The following ADGRB3 variants were observed in gnomAD, a reference collection of about 807,000 sequenced individuals.
The protein encoded by ADGRB3 is brain-specific angiogenesis inhibitor 3.
Under a neutral mutation model 193.4 loss-of-function variants are expected in ADGRB3, and 37 were observed. The observed-to-expected ratio is 0.19, with a 90% CI of 0.15 to 0.25. ADGRB3 has a LOEUF of 0.25. Among genes scored for constraint, ADGRB3 ranks in the 10% least tolerant of loss-of-function variants. The pLI is 1.00. For missense variants in ADGRB3, 1,637 were observed against 1,852.9 expected (o/e 0.88, Z 2.14); for synonymous variants, 690 against 644.2 (o/e 1.07, Z -1.08).
At chr6:68,686,893 A>T (rs1023785398) in intron 3 of ADGRB3, among the ~76,000 whole-genome samples, 1 of 152,168 alleles carries the variant, frequency 6.6e-6, no homozygotes, top group African/African-American at 2.4e-5. Context: ...TTGTCTCATT[A>T]AAAAGATTCT....
intron 17 of ADGRB3, among the ~76,000 whole-genome samples, chr6:69,139,915 T>C (rs901797470): frequency 1.3e-5 from 2 of 152,192 alleles, no homozygotes; most frequent in African/African-American, 4.8e-5. Context: ...CTAAAGCAAT[T>C]ATTTTAATAA....
At chr6:68,897,272 A>G (rs1766243226) in intron 3 of ADGRB3, among the ~76,000 whole-genome samples, 1 of 151,862 alleles carries the variant, frequency 6.6e-6, no homozygotes, top group Non-Finnish European at 1.5e-5. Flanking sequence ...AGGCAGGCAG[A>G]TTACTTGAGC....
chr6:69,323,281 A>T (rs534203917), intron 20 of ADGRB3, among the ~76,000 whole-genome samples: 31 of 152,152 alleles, frequency 2.0e-4, no homozygotes, highest in African/African-American at 6.3e-4. Context: ...TAGAAAGGTT[A>T]TCTAGTCTTT....
intron 3 of ADGRB3, among the ~76,000 whole-genome samples, chr6:68,762,827 C>T (rs1766437295): frequency 6.6e-6 from 1 of 151,976 alleles, no homozygotes; most frequent in African/African-American, 2.4e-5. Context: ...AAAAAACCTG[C>T]TAAGTGAATT....
chr6:69,254,236 C>T (rs1766698266), intron 20 of ADGRB3, among the ~76,000 whole-genome samples: 1 of 152,036 alleles, frequency 6.6e-6, no homozygotes, highest in African/African-American at 2.4e-5. Context: ...GTATTTAGCC[C>T]CTTTTAAACT....
rs1199148325 is a variant in ADGRB3 at position 68,975,273 on chromosome 6, T to C, written c.1667T>C (p.Val556Ala). Residue 556 changes from valine (V) to alanine (A), a missense_variant, in exon 10 of 32, where the codon GTG becomes GCG. Physicochemically the swap from Val to Ala is moderately conservative, Grantham distance 64. Coordinates refer to ENST00000370598, the MANE Select transcript of ADGRB3 (RefSeq NM_001704.3). ...SRRCSLSLHG[V>A]AFWEQPSFAR... ...CGCTGCTCTCTCAGTCTTCATGGAGTGGCCTTCTGGGAACAGCCGAGCTTT... is the reference window on the plus strand; with the variant it reads ...CGCTGCTCTCTCAGTCTTCATGGAGCGGCCTTCTGGGAACAGCCGAGCTTT... 1.2e-6 allele frequency: 2 copies of C among 1,613,976 alleles called. No individual in the cohort carries two copies. Among genetic ancestry groups the C allele is most frequent in the Non-Finnish European group, 8.5e-7 (1 of 1,179,938 alleles).
intron 13 of ADGRB3, among the ~76,000 whole-genome samples, chr6:69,038,770 A>C (rs1179489053): frequency 2.0e-5 from 3 of 152,240 alleles, no homozygotes; most frequent in Admixed American, 2.0e-4. Context: ...AAAACTAAGA[A>C]GTCTTAAATG....
At chr6:69,181,163 G>A (rs1192326137) in intron 17 of ADGRB3, among the ~76,000 whole-genome samples, 1 of 152,082 alleles carries the variant, frequency 6.6e-6, no homozygotes, top group Non-Finnish European at 1.5e-5. Flanking sequence ...CTCCTGAGAT[G>A]TGGGGTGTCC....
At chr6:68,719,471 C>T (rs12199251) in intron 3 of ADGRB3, among the ~76,000 whole-genome samples, 54,064 of 151,322 alleles carry the variant, frequency 0.36, 10,459 homozygotes, top group East Asian at 0.64. Context: ...GAACAGCATA[C>T]AATGAGAGTG....
At position 69,148,688 on chromosome 6, in the gene ADGRB3, A is replaced by C. The variant is rs1003326334; in HGVS notation, c.2480+72650A>C. Among the ~76,000 whole-genome samples, 10 of 152,258 alleles carry C rather than the reference A, an allele frequency of 6.6e-5. 1 individual carries two copies. The highest frequency in any genetic ancestry group is 2.0e-4 in the Admixed American group (3 of 15,298). On this transcript the variant is annotated intron_variant, in intron 17 of 31. Coordinates refer to ENST00000370598, the MANE Select transcript of ADGRB3 (RefSeq NM_001704.3). ...AATGTCCTTTTCTTTTATATTACAAAACTCCCTTTAGCATGTATTGTAGGA... is the reference window on the plus strand; with the variant it reads ...AATGTCCTTTTCTTTTATATTACAACACTCCCTTTAGCATGTATTGTAGGA...
intron 3 of ADGRB3, among the ~76,000 whole-genome samples, chr6:68,687,520 T>G (rs1765005194): frequency 6.6e-6 from 1 of 152,142 alleles, no homozygotes; most frequent in South Asian, 2.1e-4. Flanking sequence ...CATGTATGTT[T>G]GTGTCTAAAT....
At chr6:68,795,302 C>A (rs1422637482) in intron 3 of ADGRB3, among the ~76,000 whole-genome samples, 2 of 151,834 alleles carry the variant, frequency 1.3e-5, no homozygotes, top group Non-Finnish European at 2.9e-5. Context: ...TTAAAGTTAT[C>A]TTTGATAAAC....
intron 26 of ADGRB3, among the ~76,000 whole-genome samples, chr6:69,345,482 A>C (rs1033651891): frequency 2.0e-5 from 3 of 152,194 alleles, no homozygotes; most frequent in African/African-American, 7.2e-5. Flanking sequence ...ATCACATAAA[A>C]AACAGAACCA....
In ADGRB3 at chr6:69,294,424, T is replaced by C. The variant is rs536481343; in HGVS notation, c.2815-30448T>C. Reference sequence around the variant, plus strand: ...GGTAAATAGGACAGATGGAGAAAAATAGAAGTGGAATATTTCAACATGCCA... The same window carrying C: ...GGTAAATAGGACAGATGGAGAAAAACAGAAGTGGAATATTTCAACATGCCA... On this transcript the variant is annotated intron_variant, in intron 20 of 31. Coordinates refer to ENST00000370598, the MANE Select transcript of ADGRB3 (RefSeq NM_001704.3). Among the ~76,000 whole-genome samples the C allele has an allele frequency of 2.6e-5, 4 of 152,024 alleles. No individual in the cohort carries two copies. In the East Asian group the frequency reaches 7.8e-4, roughly 29 times the overall value.
At chr6:68,937,603 G>A (rs1428636118) in intron 5 of ADGRB3, among the ~76,000 whole-genome samples, 3 of 152,158 alleles carry the variant, frequency 2.0e-5, no homozygotes, top group Non-Finnish European at 4.4e-5. Flanking sequence ...GACTTGCACT[G>A]CGGCAGCCTT....
chr6:69,123,802 G>A (rs1561926381), intron 17 of ADGRB3, among the ~76,000 whole-genome samples: 1 of 152,096 alleles, frequency 6.6e-6, no homozygotes. Flanking sequence ...GAGTAGGGTG[G>A]TCAATGTGAC....
intron 5 of ADGRB3, among the ~76,000 whole-genome samples, chr6:68,939,219 A>T (rs1450638249): frequency 1.3e-5 from 2 of 152,172 alleles, no homozygotes; most frequent in African/African-American, 4.8e-5. Flanking sequence ...TTTAAATTAA[A>T]GTTTTTCGTC....
chr6:68,780,388 G>A (rs1198784519), intron 3 of ADGRB3, among the ~76,000 whole-genome samples: 1 of 152,024 alleles, frequency 6.6e-6, no homozygotes, highest in African/African-American at 2.4e-5. Context: ...CATCAGAGAT[G>A]ACTAAACCTT....
intron 13 of ADGRB3, among the ~76,000 whole-genome samples, chr6:69,045,480 G>C (rs1252991568): frequency 6.6e-6 from 1 of 151,930 alleles, no homozygotes; most frequent in East Asian, 1.9e-4. Context: ...ACTACTTTAA[G>C]AACTATTTTG....
Sources: gnomAD v4.1 joint callset for allele counts (sites outside exome capture counted in the v4.1 genomes callset) on GRCh38, gnomAD v4.1.1 for gene constraint, MANE v1.5 for transcripts, NCBI Gene and HGNC (gene_info 2026-07-23, HGNC 2026-07-21) for gene names.